Variants in METTL15 observed in about 807,000 individuals in gnomAD.
METTL15 encodes the protein 12S rRNA N(4)-cytidine methyltransferase METTL15.
In METTL15, 34 loss-of-function variants were observed where a neutral mutation model predicts 38.3. The ratio of observed to expected loss-of-function variants is 0.89; its 90% CI spans 0.68 to 1.18. The LOEUF is 1.18. Ranked by LOEUF, METTL15 falls within the 50% of genes most tolerant of loss-of-function variation. METTL15 has a pLI of 0.00. For missense variants in METTL15, 438 were observed against 498.4 expected (o/e 0.88, Z 1.15); for synonymous variants, 162 against 170.9 (o/e 0.95, Z 0.41).
chr11:28,191,241 G>A (rs565537363), intron 3 of METTL15, among the ~76,000 whole-genome samples: 1 of 150,292 alleles, frequency 6.7e-6, no homozygotes, highest in South Asian at 2.1e-4. Flanking sequence ...GTTTGTGAAA[G>A]TTTTTTTTTC....
At chr11:28,378,581 G>A (rs554291181) in intron 5 of METTL15, among the ~76,000 whole-genome samples, 16 of 152,256 alleles carry the variant, frequency 1.1e-4, no homozygotes, top group Non-Finnish European at 1.9e-4. Flanking sequence ...GATGAACCGG[G>A]TACCTCAGAT....
intron 4 of METTL15, among the ~76,000 whole-genome samples, chr11:28,357,040 A>C (rs146055035): frequency 1.3e-5 from 2 of 152,286 alleles, no homozygotes; most frequent in East Asian, 3.9e-4. Context: ...AGTTGCTATT[A>C]ACATCCTGGC....
intron 6 of METTL15, among the ~76,000 whole-genome samples, chr11:28,441,794 A>G (rs1052881547): frequency 6.6e-6 from 1 of 152,172 alleles, no homozygotes; most frequent in African/African-American, 2.4e-5. Context: ...GATAAAACCC[A>G]TGCCATTTAG....
intron 3 of METTL15, among the ~76,000 whole-genome samples, chr11:28,155,868 T>C (rs1177966204): frequency 1.3e-5 from 2 of 152,128 alleles, no homozygotes; most frequent in East Asian, 1.9e-4. Flanking sequence ...TTTTAAAAGG[T>C]TTTTTACTAA....
chr11:28,175,401 T>G (rs2133771791), intron 3 of METTL15, among the ~76,000 whole-genome samples: 1 of 152,298 alleles, frequency 6.6e-6, no homozygotes, highest in South Asian at 2.1e-4. Context: ...AGTGCTGTAA[T>G]AAACATACGT....
intron 4 of METTL15, among the ~76,000 whole-genome samples, chr11:28,283,153 T>C (rs1007428297): frequency 6.6e-6 from 1 of 152,180 alleles, no homozygotes; most frequent in South Asian, 2.1e-4. Context: ...AACGAATAGA[T>C]GTTTTTCTTC....
At chr11:28,321,495 A>C (rs1849469119) in intron 6 of METTL15, among the ~76,000 whole-genome samples, 2 of 152,270 alleles carry the variant, frequency 1.3e-5, no homozygotes, top group Non-Finnish European at 2.9e-5. Flanking sequence ...CATAACCAAG[A>C]CTTAAGTGAA....
intron 5 of METTL15, among the ~76,000 whole-genome samples, chr11:28,375,166 T>C (rs11030302): frequency 0.42 from 59,257 of 141,208 alleles, 13,802 homozygotes; most frequent in Admixed American, 0.54. Context: ...GGTATCAGAA[T>C]GATGCTGGCC....
intron 6 of METTL15, among the ~76,000 whole-genome samples, chr11:28,505,686 G>A (rs1397096463): frequency 2.6e-5 from 4 of 152,162 alleles, no homozygotes; most frequent in African/African-American, 9.7e-5. Flanking sequence ...TTATTCATCT[G>A]GAAATCGCTG....
chr11:28,331,694 T>C lies in METTL15; in HGVS notation c.*853T>C, dbSNP rs1389435934. The C allele has an allele frequency of 1.3e-5, 2 of 152,190 alleles. No individual in the cohort carries two copies. The highest frequency in any genetic ancestry group is 2.9e-5 in the Non-Finnish European group (2 of 68,006). 9.4% of individuals were successfully genotyped at this position (152,190 alleles called of 1,614,324 possible). A position where few individuals can be genotyped will look rare whatever the true frequency, so the allele number is the denominator to read the frequency against. ...CTCCCTTAATGTTGTTACAAAGATA[T>C]GGTAACTGTAATATGGGTAAAAGTT... On this transcript the variant is annotated 3_prime_UTR_variant, in exon 7 of 7. Coordinates refer to ENST00000407364, the MANE Select transcript of METTL15 (RefSeq NM_001113528.2).
At chr11:28,482,454 G>C (rs1206505716) in intron 6 of METTL15, among the ~76,000 whole-genome samples, 1 of 152,208 alleles carries the variant, frequency 6.6e-6, no homozygotes, top group Non-Finnish European at 1.5e-5. Flanking sequence ...ATCACAGATG[G>C]TGTGTGATGC....
intron 6 of METTL15, among the ~76,000 whole-genome samples, chr11:28,506,736 C>CTTTTTTTT (rs71449180): frequency 9.0e-6 from 1 of 111,624 alleles, no homozygotes; most frequent in Non-Finnish European, 1.8e-5. Context: ...ATCTCAGTCT[C>CTTTTTTTT]TTTTTTTTTT....
chr11:28,148,196 T>C (rs1404677834), intron 3 of METTL15, among the ~76,000 whole-genome samples: 1 of 151,966 alleles, frequency 6.6e-6, no homozygotes, highest in Non-Finnish European at 1.5e-5. Context: ...ACTGGATGTT[T>C]AGAGTTTCAT....
rs1285982558 is a variant in METTL15, at chr11:28,432,568, G to GT, written c.*424+8208dup. Among the ~76,000 whole-genome samples the GT allele has an allele frequency of 6.6e-5, 10 of 152,316 alleles. No homozygotes were observed. In the South Asian group the frequency reaches 1.2e-3, roughly 19 times the overall value. On this transcript the variant is annotated intron_variant and NMD_transcript_variant, in intron 6 of 7. Transcript: ENST00000532947. The stretch of plus-strand genomic sequence containing the variant: ...GCCCGATATAGAAAAACGAGAAAGA[G>GT]TTTTAGTGTTAGACAAATCTAAGTT...
At chr11:28,114,271 G>A (rs960143655) in intron 3 of METTL15, among the ~76,000 whole-genome samples, 2 of 152,040 alleles carry the variant, frequency 1.3e-5, no homozygotes, top group Admixed American at 1.3e-4. Context: ...TACTCAGCAT[G>A]TTTTCAGGGT....
intron 3 of METTL15, 138 bp from the exon 4 acceptor site, chr11:28,210,924 A>G: frequency 3.3e-6 from 3 of 898,052 alleles, no homozygotes; most frequent in Non-Finnish European, 4.9e-6. Flanking sequence ...AAATTCAACT[A>G]TAGGCACAAC....
chr11:28,201,538 A>C (rs1490428260), intron 3 of METTL15, among the ~76,000 whole-genome samples: 1 of 151,114 alleles, frequency 6.6e-6, no homozygotes, highest in East Asian at 1.9e-4. Flanking sequence ...GTAGGCTATT[A>C]ATTACTGCCT....
intron 4 of METTL15, among the ~76,000 whole-genome samples, chr11:28,273,027 A>G (rs1038074701): frequency 6.6e-6 from 1 of 152,212 alleles, no homozygotes; most frequent in Non-Finnish European, 1.5e-5. Flanking sequence ...AAATGTTTAC[A>G]TTATATAATT....
chr11:28,428,346 C>A (rs1850883226), intron 6 of METTL15, among the ~76,000 whole-genome samples: 1 of 152,116 alleles, frequency 6.6e-6, no homozygotes, highest in African/African-American at 2.4e-5. Flanking sequence ...ATATTATGGT[C>A]TTTTGGGACC....
Sources: gnomAD v4.1 joint callset for allele counts (sites outside exome capture counted in the v4.1 genomes callset) on GRCh38, gnomAD v4.1.1 for gene constraint, MANE v1.5 for transcripts, NCBI Gene and HGNC (gene_info 2026-07-23, HGNC 2026-07-21) for gene names.